The following SPATA6 variants were observed in gnomAD, a reference collection of about 807,000 sequenced individuals.
The protein encoded by SPATA6 is spermatogenesis associated 6, also known as spermatogenesis-associated protein 6.
Under a neutral mutation model 65.3 loss-of-function variants are expected in SPATA6, and 56 were observed. The observed-to-expected ratio is 0.86, with a 90% CI of 0.69 to 1.07. The LOEUF (loss-of-function observed/expected upper bound fraction) is 1.07, where lower values mean the gene tolerates loss of function less well. SPATA6 is among the 50% of genes least tolerant of loss of function. The pLI, the probability that SPATA6 is intolerant of heterozygous loss-of-function variation, is 0.00. For synonymous variants in SPATA6, 199 were observed against 213.2 expected, an observed-to-expected ratio of 0.93 and a Z score of 0.58; for missense variants, 590 against 594.8, an observed-to-expected ratio of 0.99 and a Z score of 0.08.
chr1:48,373,842 G>A (rs112142462), intron 9 of SPATA6, among the ~76,000 whole-genome samples: 14 of 152,100 alleles, frequency 9.2e-5, no homozygotes, highest in African/African-American at 3.1e-4. Context: ...GGGAAAGACC[G>A]GTCCCCATGA....
chr1:48,310,778 T>C (rs146572043), intron 11 of SPATA6, among the ~76,000 whole-genome samples: 15 of 152,216 alleles, frequency 9.9e-5, no homozygotes, highest in Non-Finnish European at 1.8e-4. Context: ...GATAGCAAAA[T>C]ACATATTCTT....
chr1:48,285,477 G>GAAA, the SPATA6 span, among the ~76,000 whole-genome samples: 40 of 127,760 alleles, frequency 3.1e-4, no homozygotes, highest in Non-Finnish European at 5.2e-4. Flanking sequence ...ACTGGGGTAT[G>GAAA]AAAAAAAAAA....
intron 11 of SPATA6, among the ~76,000 whole-genome samples, chr1:48,341,085 T>C (rs1408217078): frequency 6.6e-6 from 1 of 152,126 alleles, no homozygotes; most frequent in Non-Finnish European, 1.5e-5. Context: ...AAAATAAAAA[T>C]ACAGTGTGCT....
At chr1:48,272,063 T>C in the SPATA6 span, among the ~76,000 whole-genome samples, 2 of 152,102 alleles carry the variant, frequency 1.3e-5, no homozygotes, top group Non-Finnish European at 2.9e-5. Flanking sequence ...TGAGGTATCA[T>C]TGACATAAAA....
chr1:48,442,717 TAAAAAAA>T lies in SPATA6; in HGVS notation c.238+8828_238+8834del, dbSNP rs71056669. ...CAAAGAGAAAGAGAGATGGAAGTAGTAAAAAAAAAAAAAAAAAAAAAAAAAAAACAGT... is the reference window on the plus strand; with the variant it reads ...CAAAGAGAAAGAGAGATGGAAGTAGTAAAAAAAAAAAAAAAAAAAAACAGT... On this transcript the variant is annotated intron_variant, in intron 3 of 12. Transcript: ENST00000371847. Among the ~76,000 whole-genome samples the T allele has an allele frequency of 5.1e-3, 235 of 46,220 alleles. 1 individual carries two copies. The highest frequency in any genetic ancestry group is 0.017 in the African/African-American group (190 of 10,928). 30.3% of individuals were successfully genotyped at this position (46,220 alleles called of 152,430 possible). A position where few individuals can be genotyped will look rare whatever the true frequency, so the allele number is the denominator to read the frequency against.
rs1386097948 is a variant in SPATA6, at chr1:48,400,788, A to G, written c.487-1144T>C. 3.9e-6 allele frequency: 5 copies of G among 1,297,276 alleles called. No homozygotes were observed. In the East Asian group the frequency reaches 1.7e-4, roughly 44 times the overall value. 80.4% of individuals were successfully genotyped at this position (1,297,276 alleles called of 1,614,324 possible). On this transcript the variant is annotated intron_variant, in intron 6 of 12. Transcript: ENST00000371847. ...TCATACAGACCAGTTGCATCAGATT[A>G]CTCCATCTTTCCTTCTTCTGTAGTT... is the stretch of plus-strand genomic sequence containing the variant.
At chr1:48,354,883 C>T (rs549151676) in intron 11 of SPATA6, among the ~76,000 whole-genome samples, 1 of 151,994 alleles carries the variant, frequency 6.6e-6, no homozygotes, top group South Asian at 2.1e-4. Flanking sequence ...CAAGCTGTTA[C>T]TTATTATTTG....
chr1:48,429,443 C>T (rs188023230), intron 3 of SPATA6, among the ~76,000 whole-genome samples: 2 of 152,186 alleles, frequency 1.3e-5, no homozygotes, highest in Admixed American at 1.3e-4. Flanking sequence ...TGATCTTCAA[C>T]ACAAAGACAG....
At chr1:48,272,533 A>C in the SPATA6 span, among the ~76,000 whole-genome samples, 9 of 152,168 alleles carry the variant, frequency 5.9e-5, no homozygotes, top group Non-Finnish European at 1.0e-4. Flanking sequence ...TTATTAAGGC[A>C]GAATAGTATT....
chr1:48,371,824 A>T (rs1196396838), intron 9 of SPATA6, among the ~76,000 whole-genome samples: 1 of 152,132 alleles, frequency 6.6e-6, no homozygotes, highest in African/African-American at 2.4e-5. Context: ...TGAGGGTGAA[A>T]GGCACTTCTT....
At chr1:48,441,119 C>T (rs1286493791) in intron 3 of SPATA6, among the ~76,000 whole-genome samples, 1 of 152,208 alleles carries the variant, frequency 6.6e-6, no homozygotes, top group Non-Finnish European at 1.5e-5. Flanking sequence ...CTGGAAGGCA[C>T]ACTGCCCCAG....
chr1:48,302,918 C>A (rs754019620), intron 12 of SPATA6, among the ~76,000 whole-genome samples: 13 of 151,938 alleles, frequency 8.6e-5, no homozygotes, highest in Non-Finnish European at 1.5e-4. Context: ...TGCTTGTTTG[C>A]CAACAAACCA....
intron 3 of SPATA6, among the ~76,000 whole-genome samples, chr1:48,430,420 G>A (rs1449973657): frequency 2.0e-5 from 3 of 151,894 alleles, no homozygotes; most frequent in Admixed American, 6.6e-5. Flanking sequence ...GATGTCCCCC[G>A]ATAAATAAAA....
chr1:48,403,761 ATAAAT>A, intron 6 of SPATA6, 36 bp downstream of exon 6: 1 of 1,497,346 alleles, frequency 6.7e-7, no homozygotes, highest in Non-Finnish European at 9.0e-7. Flanking sequence ...ATATGACCAA[ATAAAT>A]TAAACCATTA....
chr1:48,280,092 T>C, the SPATA6 span, among the ~76,000 whole-genome samples: 1 of 152,062 alleles, frequency 6.6e-6, no homozygotes, highest in Admixed American at 6.5e-5. Context: ...ACTGGGTACA[T>C]AACGAAATGA....
At chr1:48,302,639 C>A (rs934502556) in intron 12 of SPATA6, among the ~76,000 whole-genome samples, 1 of 152,102 alleles carries the variant, frequency 6.6e-6, no homozygotes, top group East Asian at 1.9e-4. Context: ...ATAATTCTGC[C>A]CTGGATTTTA....
intron 3 of SPATA6, among the ~76,000 whole-genome samples, chr1:48,421,549 A>T (rs1653340060): frequency 6.6e-6 from 1 of 152,176 alleles, no homozygotes; most frequent in African/African-American, 2.4e-5. Flanking sequence ...CCAATCGTAA[A>T]TAAATATTTG....
chr1:48,314,455 G>A (rs1307442615), intron 11 of SPATA6, among the ~76,000 whole-genome samples: 1 of 152,172 alleles, frequency 6.6e-6, no homozygotes, highest in Non-Finnish European at 1.5e-5. Flanking sequence ...GGTACATAAT[G>A]AAATGAAGGC....
the SPATA6 span, among the ~76,000 whole-genome samples, chr1:48,273,952 C>A: frequency 6.6e-6 from 1 of 152,156 alleles, no homozygotes; most frequent in Non-Finnish European, 1.5e-5. Flanking sequence ...AATTTACACT[C>A]CCCCCAACAG....
Sources: gnomAD v4.1 joint callset for allele counts (sites outside exome capture counted in the v4.1 genomes callset) on GRCh38, gnomAD v4.1.1 for gene constraint, MANE v1.5 for transcripts, NCBI Gene and HGNC (gene_info 2026-07-23, HGNC 2026-07-21) for gene names.